Variants in EXOC4 observed in about 807,000 individuals in gnomAD.
The protein encoded by EXOC4 is SEC8-like 1.
A neutral mutation model predicts 107.2 loss-of-function variants in EXOC4; 71 were observed. The observed-to-expected ratio is 0.66, with a 90% CI of 0.55 to 0.81. The LOEUF is 0.81. Among genes scored for constraint, EXOC4 ranks in the 30% least tolerant of loss-of-function variants. EXOC4 has a pLI of 0.00. For synonymous variants in EXOC4, 456 were observed against 441.2 expected (o/e 1.03, Z -0.42); for missense variants, 1,108 against 1,189.6 (o/e 0.93, Z 1.01).
intron 16 of EXOC4, among the ~76,000 whole-genome samples, chr7:134,007,082 C>G (rs1316705568): frequency 2.0e-5 from 3 of 152,194 alleles, no homozygotes; most frequent in Non-Finnish European, 4.4e-5. Flanking sequence ...GTCTTATACA[C>G]CCATTGCCAT....
At chr7:133,910,701 T>C (rs954388440) in intron 12 of EXOC4, among the ~76,000 whole-genome samples, 4 of 152,244 alleles carry the variant, frequency 2.6e-5, no homozygotes, top group Admixed American at 1.3e-4. Flanking sequence ...CGGTTTCGTC[T>C]GCTGCAGGTC....
intron 11 of EXOC4, among the ~76,000 whole-genome samples, chr7:133,833,987 T>A (rs1288964263): frequency 6.6e-6 from 1 of 152,140 alleles, no homozygotes; most frequent in Non-Finnish European, 1.5e-5. Flanking sequence ...GCCTAGCAGA[T>A]GGAACACACA....
At chr7:133,746,200 T>A (rs1436899419) in intron 10 of EXOC4, among the ~76,000 whole-genome samples, 2 of 152,160 alleles carry the variant, frequency 1.3e-5, no homozygotes, top group East Asian at 3.8e-4. Flanking sequence ...GTTTTTCTTG[T>A]TAGCTTTTAA....
At chr7:133,781,920 A>AG (rs397933291) in intron 10 of EXOC4, among the ~76,000 whole-genome samples, 3 of 151,578 alleles carry the variant, frequency 2.0e-5, no homozygotes, top group African/African-American at 7.3e-5. Context: ...AACACAAAAA[A>AG]GTTTTTATTG....
intron 13 of EXOC4, among the ~76,000 whole-genome samples, chr7:133,923,201 C>G (rs1799978164): frequency 6.6e-6 from 1 of 150,848 alleles, no homozygotes; most frequent in African/African-American, 2.4e-5. Flanking sequence ...CAATCTCAGC[C>G]CACTGCAACT....
At chr7:133,956,649 C>G (rs1360991334) in intron 14 of EXOC4, among the ~76,000 whole-genome samples, 1 of 152,164 alleles carries the variant, frequency 6.6e-6, no homozygotes, top group African/African-American at 2.4e-5. Flanking sequence ...TCAGTGCACA[C>G]AGGTCTCAGG....
At position 133,763,807 on chromosome 7, in the gene EXOC4, A is replaced by C. The variant is rs543444538; in HGVS notation, c.1515-53518A>C. Among the ~76,000 whole-genome samples, 19 of 152,154 alleles carry C rather than the reference A, an allele frequency of 1.2e-4. No homozygotes were observed. The South Asian group carries it at 3.9e-3, about 32-fold the overall frequency. ...TTAATTTACTAGGGAAACTTGCGGA[A>C]AGGACTACAAAGAAAATAGAATTCT... On this transcript the variant is annotated intron_variant, in intron 10 of 17. Coordinates refer to ENST00000253861, the MANE Select transcript of EXOC4 (RefSeq NM_021807.4).
At chr7:133,937,648 G>C (rs765863032) in intron 13 of EXOC4, among the ~76,000 whole-genome samples, 5 of 152,118 alleles carry the variant, frequency 3.3e-5, no homozygotes, top group Admixed American at 6.5e-5. Context: ...GGCCCATACT[G>C]GTCCCTGTTG....
chr7:133,957,880 T>C (rs552932906), intron 14 of EXOC4, among the ~76,000 whole-genome samples: 11 of 152,330 alleles, frequency 7.2e-5, no homozygotes, highest in African/African-American at 2.4e-4. Flanking sequence ...GAATTAGTCA[T>C]GTGTATTACT....
intron 9 of EXOC4, among the ~76,000 whole-genome samples, chr7:133,570,586 G>A (rs1305189681): frequency 6.6e-6 from 1 of 152,148 alleles, no homozygotes; most frequent in African/African-American, 2.4e-5. Flanking sequence ...AGATGCAGAT[G>A]GCTCTTGTGG....
chr7:133,753,588 A>G (rs1173550423), intron 10 of EXOC4, among the ~76,000 whole-genome samples: 3 of 152,368 alleles, frequency 2.0e-5, no homozygotes, highest in South Asian at 2.1e-4. Context: ...AGCTCGATGA[A>G]TGTTATACTA....
chr7:133,954,215 T>A (rs1800761548), intron 14 of EXOC4, among the ~76,000 whole-genome samples: 1 of 152,210 alleles, frequency 6.6e-6, no homozygotes, highest in South Asian at 2.1e-4. Context: ...CTGGTGGGGA[T>A]CTTCATCAGT....
intron 10 of EXOC4, among the ~76,000 whole-genome samples, chr7:133,704,078 T>C (rs1794719269): frequency 6.6e-6 from 1 of 152,166 alleles, no homozygotes; most frequent in Non-Finnish European, 1.5e-5. Context: ...ACTGTGACAC[T>C]GATCAATCCA....
chr7:133,337,045 T>C (rs1795532740), intron 5 of EXOC4, among the ~76,000 whole-genome samples: 1 of 152,210 alleles, frequency 6.6e-6, no homozygotes, highest in South Asian at 2.1e-4. Flanking sequence ...GTTTTATTTT[T>C]AAATGTATCA....
chr7:133,268,185 T>G (rs941124130), intron 1 of EXOC4, among the ~76,000 whole-genome samples: 2 of 152,218 alleles, frequency 1.3e-5, no homozygotes, highest in African/African-American at 4.8e-5. Context: ...CCCAGAAAAG[T>G]TAAGTCACTT....
intron 10 of EXOC4, chr7:133,733,259 C>T: frequency 6.6e-6 from 1 of 152,410 alleles, no homozygotes; most frequent in Non-Finnish European, 1.5e-5. Context: ...CTTCGGGAAG[C>T]CGAGGCAGGC....
chr7:134,015,704 G>A (rs28637318), intron 17 of EXOC4, among the ~76,000 whole-genome samples: 24,628 of 151,744 alleles, frequency 0.16, 2,712 homozygotes, highest in East Asian at 0.42. Context: ...GTGAAATCCC[G>A]TCTCTACTAA....
chr7:133,393,924 G>A (rs1417348083), intron 7 of EXOC4, among the ~76,000 whole-genome samples: 6 of 152,190 alleles, frequency 3.9e-5, no homozygotes, highest in Non-Finnish European at 8.8e-5. Flanking sequence ...GACTCATAAA[G>A]CTACGAAGGT....
chr7:134,048,027 T>C (rs1034897859), intron 17 of EXOC4, among the ~76,000 whole-genome samples: 2 of 152,198 alleles, frequency 1.3e-5, no homozygotes, highest in Non-Finnish European at 2.9e-5. Context: ...TAGGGAGTGC[T>C]GATTGGTTGA....
Sources: allele counts gnomAD v4.1 joint callset (sites outside exome capture counted in the v4.1 genomes callset), GRCh38; gene constraint gnomAD v4.1.1; transcripts MANE v1.5; gene names NCBI Gene and HGNC (gene_info 2026-07-23, HGNC 2026-07-21).